ITFG1: variants seen among roughly 807,000 people sequenced by gnomAD.
ITFG1 encodes the protein integrin alpha FG-GAP repeat containing 1, also known as T-cell immunomodulatory protein.
Under a neutral mutation model 81.8 loss-of-function variants are expected in ITFG1, and 34 were observed. That is an observed-to-expected ratio of 0.42 (90% CI 0.32 to 0.55). The LOEUF (loss-of-function observed/expected upper bound fraction) is 0.55. Among genes scored for constraint, ITFG1 ranks in the 20% least tolerant of loss-of-function variants. The probability of loss-of-function intolerance (pLI) is 0.17; values close to 1 mark genes in which losing one functional copy is unlikely to be tolerated. For synonymous variants in ITFG1, 285 were observed against 270.6 expected, an observed-to-expected ratio of 1.05 and a Z score of -0.52; for missense variants, 672 against 755.4, an observed-to-expected ratio of 0.89 and a Z score of 1.29.
intron 14 of ITFG1, among the ~76,000 whole-genome samples, chr16:47,177,930 A>C (rs960960924): frequency 6.6e-6 from 1 of 152,232 alleles, no homozygotes; most frequent in African/African-American, 2.4e-5. Context: ...GGATAAACTT[A>C]ATTGTACAAT....
At position 47,415,455 on chromosome 16, in the gene ITFG1, A is replaced by C. The variant is rs946937579; in HGVS notation, c.655+13349T>G. ...TATTAAAGAACTTCAGTCCTTGAAG[A>C]CTATTTGGAAAACTGTAGCAGAGAT... On this transcript the variant is annotated intron_variant, in intron 6 of 17. Transcript: ENST00000320640. Among the ~76,000 whole-genome samples the C allele has an allele frequency of 5.3e-5, 8 of 152,226 alleles. No individual in the cohort carries two copies. In the East Asian group the frequency reaches 1.5e-3, roughly 29 times the overall value.
chr16:47,374,600 C>A (rs530661229), intron 7 of ITFG1, among the ~76,000 whole-genome samples: 1 of 152,258 alleles, frequency 6.6e-6, no homozygotes, highest in South Asian at 2.1e-4. Context: ...AGGCCACCTG[C>A]AAACAAACTT....
chr16:47,344,840 C>T (rs1967830031), intron 8 of ITFG1, among the ~76,000 whole-genome samples: 1 of 152,292 alleles, frequency 6.6e-6, no homozygotes, highest in Non-Finnish European at 1.5e-5. Context: ...CTGTGCCTGG[C>T]TTATTTCACT....
intron 5 of ITFG1, among the ~76,000 whole-genome samples, chr16:47,437,088 C>A (rs182794450): frequency 3.3e-5 from 5 of 151,966 alleles, no homozygotes; most frequent in African/African-American, 1.2e-4. Flanking sequence ...ATATTTTGAT[C>A]AAAATATTCC....
intron 8 of ITFG1, among the ~76,000 whole-genome samples, chr16:47,320,790 T>C (rs1428708375): frequency 2.0e-5 from 3 of 152,140 alleles, no homozygotes; most frequent in Non-Finnish European, 2.9e-5. Flanking sequence ...GCCTAGGACA[T>C]AGGCAAAAGA....
intron 10 of ITFG1, among the ~76,000 whole-genome samples, chr16:47,307,106 A>AC (rs1967177677): frequency 1.4e-5 from 2 of 145,762 alleles, no homozygotes; most frequent in Non-Finnish European, 3.0e-5. Context: ...AAAAAAAAAA[A>AC]AAAAAAAAAA....
rs913609587 is a variant in ITFG1, at chr16:47,155,242, T to C, written c.*477A>G. The C allele has an allele frequency of 6.5e-6, 1 of 152,688 alleles. No homozygotes were observed. The highest frequency in any genetic ancestry group is 6.5e-5 in the Admixed American group (1 of 15,278). 9.5% of individuals were successfully genotyped at this position (152,688 alleles called of 1,614,324 possible). Reference sequence around the variant, plus strand: ...ACCAAGTCAGAGTACCCGATCACTATATTGTATGCCATCAGTGAGACCCCT... The same window carrying C: ...ACCAAGTCAGAGTACCCGATCACTACATTGTATGCCATCAGTGAGACCCCT... On this transcript the variant is annotated 3_prime_UTR_variant, in exon 18 of 18. Transcript: ENST00000320640.
At chr16:47,410,432 G>A (rs1596965452) in intron 6 of ITFG1, among the ~76,000 whole-genome samples, 3 of 152,114 alleles carry the variant, frequency 2.0e-5, no homozygotes, top group Admixed American at 2.0e-4. Flanking sequence ...AAGATATAGA[G>A]TGATTCAGCA....
chr16:47,155,229 T>A lies in ITFG1; in HGVS notation c.*490A>T, dbSNP rs1303150359. On this transcript the variant is annotated 3_prime_UTR_variant, in exon 18 of 18. Coordinates refer to ENST00000320640, the MANE Select transcript of ITFG1 (RefSeq NM_030790.5). ...GTCTTACTGTGCTACCAAGTCAGAG[T>A]ACCCGATCACTATATTGTATGCCAT... 6.6e-6 allele frequency: 1 copy of A among 152,322 alleles called. No individual in the cohort carries two copies. Among genetic ancestry groups the A allele is most frequent in the Non-Finnish European group, 1.5e-5 (1 of 68,142 alleles). The allele number at this position is 152,322 out of a possible 1,614,324, so 9.4% of individuals were successfully genotyped here. A position where few individuals can be genotyped will look rare whatever the true frequency, so the allele number is the denominator to read the frequency against.
chr16:47,342,692 A>G (rs1455977397), intron 8 of ITFG1, among the ~76,000 whole-genome samples: 1 of 152,168 alleles, frequency 6.6e-6, no homozygotes. Flanking sequence ...AGAAAAAATC[A>G]GTTGTGTTTC....
intron 16 of ITFG1, among the ~76,000 whole-genome samples, chr16:47,160,649 C>T (rs1964789524): frequency 6.6e-6 from 1 of 151,984 alleles, no homozygotes; most frequent in Non-Finnish European, 1.5e-5. Context: ...AAGCATAAGG[C>T]TGTGATAAAG....
intron 5 of ITFG1, among the ~76,000 whole-genome samples, chr16:47,434,900 T>C (rs1441141874): frequency 6.6e-6 from 1 of 152,094 alleles, no homozygotes; most frequent in Non-Finnish European, 1.5e-5. Context: ...CTGGAAGCCA[T>C]TATCCTCAGC....
chr16:47,315,169 T>C (rs1406315070), intron 8 of ITFG1, among the ~76,000 whole-genome samples: 1 of 152,116 alleles, frequency 6.6e-6, no homozygotes, highest in Non-Finnish European at 1.5e-5. Flanking sequence ...GAATTAATAA[T>C]AAAATATGTA....
At chr16:47,260,830 T>TC in intron 10 of ITFG1, 135 bp from the exon 11 acceptor site, 1 of 960,108 alleles carries the variant, frequency 1.0e-6, no homozygotes, top group Non-Finnish European at 1.5e-6. Flanking sequence ...CCACATTTTT[T>TC]GTTTATAGTA....
At chr16:47,299,178 A>G (rs1464032633) in intron 10 of ITFG1, among the ~76,000 whole-genome samples, 2 of 152,156 alleles carry the variant, frequency 1.3e-5, no homozygotes, top group Non-Finnish European at 2.9e-5. Flanking sequence ...GTTAGGTTAG[A>G]CAATGCTGTT....
intron 6 of ITFG1, among the ~76,000 whole-genome samples, chr16:47,383,777 G>A (rs1284293022): frequency 6.6e-6 from 1 of 152,202 alleles, no homozygotes; most frequent in Non-Finnish European, 1.5e-5. Flanking sequence ...GGTGGCGCAT[G>A]CCTGTAATCC....
chr16:47,207,376 G>A (rs1005203204), intron 14 of ITFG1, among the ~76,000 whole-genome samples: 31 of 152,176 alleles, frequency 2.0e-4, no homozygotes, highest in African/African-American at 9.7e-5. Flanking sequence ...GAGCCACCGC[G>A]CCCGGCCTGC....
At chr16:47,340,555 A>C (rs1967767529) in intron 8 of ITFG1, among the ~76,000 whole-genome samples, 1 of 152,210 alleles carries the variant, frequency 6.6e-6, no homozygotes, top group African/African-American at 2.4e-5. Flanking sequence ...AGAAATGAGA[A>C]AAGAATCAAA....
chr16:47,261,276 C>T (rs1274630928), intron 10 of ITFG1, among the ~76,000 whole-genome samples: 1 of 152,202 alleles, frequency 6.6e-6, no homozygotes, highest in East Asian at 1.9e-4. Flanking sequence ...CAAATCCTGG[C>T]TCTGTTATTT....
Sources: allele counts gnomAD v4.1 joint callset (sites outside exome capture counted in the v4.1 genomes callset), GRCh38; gene constraint gnomAD v4.1.1; transcripts MANE v1.5; gene names NCBI Gene and HGNC (gene_info 2026-07-23, HGNC 2026-07-21).